STON2: variants seen among roughly 807,000 people sequenced by gnomAD.
STON2 encodes stonin 2, also known as stonin-2.
In STON2, 29 loss-of-function variants were observed where a neutral mutation model predicts 65.7. The observed-to-expected ratio is 0.44, with a 90% CI of 0.33 to 0.60. The LOEUF is 0.60. Among genes scored for constraint, STON2 ranks in the 20% least tolerant of loss-of-function variants. STON2 has a pLI of 0.03. For synonymous variants in STON2, 404 were observed against 414.2 expected (o/e 0.98, Z 0.30); for missense variants, 1,054 against 1,118.1 (o/e 0.94, Z 0.82).
At chr14:81,381,206 T>G (rs72703746) in intron 3 of STON2, among the ~76,000 whole-genome samples, 4,158 of 152,254 alleles carry the variant, frequency 0.027, 84 homozygotes, top group African/African-American at 0.052. Flanking sequence ...CTAGATTGAA[T>G]GTCAAAGTGT....
chr14:81,270,609 G>T, intron 7 of STON2, 61 bp downstream of exon 7: 1 of 1,613,948 alleles, frequency 6.2e-7, no homozygotes, highest in Non-Finnish European at 8.5e-7. Flanking sequence ...AATAAGAGGG[G>T]GAGGGTAGTG....
intron 5 of STON2, among the ~76,000 whole-genome samples, chr14:81,298,378 C>G (rs986063598): frequency 1.4e-5 from 2 of 148,036 alleles, no homozygotes; most frequent in African/African-American, 2.5e-5. Context: ...GAGGCTTCCT[C>G]TAGCTCCAGG....
chr14:81,432,558 A>T (rs1183985401), intron 1 of STON2, among the ~76,000 whole-genome samples: 1 of 152,252 alleles, frequency 6.6e-6, no homozygotes, highest in African/African-American at 2.4e-5. Context: ...AGCTGGAATG[A>T]CAAGAAGTGT....
chr14:81,278,981 T>C (rs1190305154), intron 5 of STON2, among the ~76,000 whole-genome samples: 2 of 152,238 alleles, frequency 1.3e-5, no homozygotes, highest in East Asian at 3.8e-4. Context: ...TACAGAAGTA[T>C]TGACTGGTAG....
intron 3 of STON2, among the ~76,000 whole-genome samples, chr14:81,387,063 C>T (rs1569012): frequency 0.18 from 26,860 of 151,938 alleles, 3,066 homozygotes; most frequent in East Asian, 0.44. Flanking sequence ...GGCTAAAGGA[C>T]TCAACGTGAA....
chr14:81,332,486 T>C (rs1339871784), intron 4 of STON2, among the ~76,000 whole-genome samples: 3 of 152,212 alleles, frequency 2.0e-5, no homozygotes, highest in African/African-American at 7.2e-5. Flanking sequence ...GGATAGAAAT[T>C]CCTGGGAAGA....
Position 81,267,396 on chromosome 14 carries a change from TA to T in STON2, c.*1017del, listed in dbSNP as rs755713709. The T allele has an allele frequency of 6.1e-6, 6 of 985,444 alleles. No individual in the cohort carries two copies. The highest frequency in any genetic ancestry group is 1.7e-5 in the African/African-American group (1 of 57,358). 61.0% of individuals were successfully genotyped at this position (985,444 alleles called of 1,614,324 possible). A position where few individuals can be genotyped will look rare whatever the true frequency, so the allele number is the denominator to read the frequency against. ...GGGAAAGCTCATTCAAGCTTAATTT[TA>T]AAACAGCTTTAAAAATTATCTTTGC... On this transcript the variant is annotated 3_prime_UTR_variant, in exon 8 of 8. Coordinates refer to ENST00000614646, the MANE Select transcript of STON2 (RefSeq NM_001394390.1).
intron 5 of STON2, among the ~76,000 whole-genome samples, chr14:81,299,921 T>C (rs955190734): frequency 6.6e-6 from 1 of 151,498 alleles, no homozygotes; most frequent in Non-Finnish European, 1.5e-5. Flanking sequence ...AGAATCAATA[T>C]GATTCCAATA....
intron 6 of STON2, among the ~76,000 whole-genome samples, chr14:81,271,512 C>T (rs1278852569): frequency 3.3e-5 from 5 of 152,156 alleles, no homozygotes; most frequent in Non-Finnish European, 7.4e-5. Context: ...GTCCTTTATA[C>T]TCTCCAGGCC....
chr14:81,306,236 T>A (rs970825934), intron 5 of STON2, among the ~76,000 whole-genome samples: 7 of 125,378 alleles, frequency 5.6e-5, no homozygotes, highest in African/African-American at 3.0e-5. Context: ...TTTTTTTTTT[T>A]TTTTTTTTTT....
At chr14:81,427,179 C>T (rs544251079) in exon 2 of STON2, 5 of 152,312 alleles carry the variant, frequency 3.3e-5, no homozygotes, top group South Asian at 2.1e-4. Flanking sequence ...GCTCCATCCA[C>T]GAGATGTACT....
intron 3 of STON2, among the ~76,000 whole-genome samples, chr14:81,373,563 G>A (rs1453512817): frequency 6.6e-6 from 1 of 152,158 alleles, no homozygotes; most frequent in East Asian, 1.9e-4. Context: ...CAGAGGCCGA[G>A]TGAAAGCTGC....
chr14:81,301,683 G>A (rs1056012599), intron 5 of STON2, among the ~76,000 whole-genome samples: 1 of 152,186 alleles, frequency 6.6e-6, no homozygotes, highest in African/African-American at 2.4e-5. Context: ...TGCCAGCTCA[G>A]TATTCACATT....
chr14:81,415,668 CAAAAAA>C (rs35270491), intron 2 of STON2, among the ~76,000 whole-genome samples: 5 of 77,300 alleles, frequency 6.5e-5, no homozygotes, highest in East Asian at 3.5e-4. Flanking sequence ...GACTCCATCG[CAAAAAA>C]AAAAAAAAAA....
intron 3 of STON2, among the ~76,000 whole-genome samples, chr14:81,379,935 G>A (rs578163173): frequency 6.6e-6 from 1 of 152,220 alleles, no homozygotes; most frequent in East Asian, 1.9e-4. Context: ...ATTGGCCCTA[G>A]CAAAAACTTC....
chr14:81,287,852 G>A (rs1337621862), intron 5 of STON2, among the ~76,000 whole-genome samples: 1 of 152,006 alleles, frequency 6.6e-6, no homozygotes, highest in Non-Finnish European at 1.5e-5. Context: ...TGGCTTATTG[G>A]TTCCCTGCCT....
intron 5 of STON2, among the ~76,000 whole-genome samples, chr14:81,312,708 T>C (rs1407020962): frequency 1.3e-5 from 2 of 152,246 alleles, no homozygotes; most frequent in Non-Finnish European, 2.9e-5. Flanking sequence ...ACTGATGTAA[T>C]GGCTAGCTCT....
chr14:81,309,217 G>C, intron 5 of STON2, among the ~76,000 whole-genome samples: 1 of 151,590 alleles, frequency 6.6e-6, no homozygotes, highest in Non-Finnish European at 1.5e-5. Flanking sequence ...AATTACACTG[G>C]CACATGGCAG....
At chr14:81,403,650 T>C (rs1900710868), upstream of STON2, among the ~76,000 whole-genome samples, 2 of 152,204 alleles carry the variant, frequency 1.3e-5, no homozygotes, top group South Asian at 2.1e-4. Flanking sequence ...GGTGTGACTC[T>C]GTCTCTGTTT....
Sources: allele counts gnomAD v4.1 joint callset (sites outside exome capture counted in the v4.1 genomes callset), GRCh38; gene constraint gnomAD v4.1.1; transcripts MANE v1.5; gene names NCBI Gene and HGNC (gene_info 2026-07-23, HGNC 2026-07-21).